The following ARHGAP15 variants were observed in gnomAD, a reference collection of about 807,000 sequenced individuals.
ARHGAP15 encodes rho GTPase-activating protein 15.
ARHGAP15 carries 51 observed loss-of-function variants against 63.7 expected under a neutral mutation model. The ratio of observed to expected loss-of-function variants is 0.80; its 90% CI spans 0.64 to 1.01. The LOEUF (loss-of-function observed/expected upper bound fraction) is 1.01, where lower values mean the gene tolerates loss of function less well. Ranked by LOEUF, ARHGAP15 falls within the 50% of genes least tolerant of loss-of-function variation. The pLI is 0.00. For missense variants in ARHGAP15, 560 were observed against 564.6 expected, an observed-to-expected ratio of 0.99 and a Z score of 0.08; for synonymous variants, 191 against 193.8, an observed-to-expected ratio of 0.99 and a Z score of 0.12.
At chr2:143,408,453 T>C in intron 6 of ARHGAP15, among the ~76,000 whole-genome samples, 1 of 151,784 alleles carries the variant, frequency 6.6e-6, no homozygotes, top group East Asian at 1.9e-4. Context: ...CCTACTACTA[T>C]CTTTGAGAAC....
At chr2:143,519,720 A>G (rs1693979302) in intron 10 of ARHGAP15, among the ~76,000 whole-genome samples, 2 of 152,174 alleles carry the variant, frequency 1.3e-5, no homozygotes, top group African/African-American at 4.8e-5. Flanking sequence ...TGCCAGAACA[A>G]TTTTTGGTAA....
intron 3 of ARHGAP15, among the ~76,000 whole-genome samples, chr2:143,207,149 G>A (rs940010574): frequency 6.6e-6 from 1 of 151,798 alleles, no homozygotes. Context: ...TTCAGAAATA[G>A]TTTTCAAAAT....
chr2:143,480,664 A>C (rs952587537), intron 8 of ARHGAP15: 3 of 152,212 alleles, frequency 2.0e-5, no homozygotes, highest in African/African-American at 7.2e-5. Context: ...TATGACTTCT[A>C]TTTACACTGA....
chr2:143,226,360 G>C (rs1401066409), intron 4 of ARHGAP15, among the ~76,000 whole-genome samples: 1 of 152,152 alleles, frequency 6.6e-6, no homozygotes, highest in Admixed American at 6.6e-5. Flanking sequence ...AAGGTATAGT[G>C]TCTCCTTGTG....
intron 6 of ARHGAP15, among the ~76,000 whole-genome samples, chr2:143,266,246 G>T (rs1223562103): frequency 1.3e-5 from 2 of 151,908 alleles, no homozygotes; most frequent in Non-Finnish European, 1.5e-5. Context: ...CATATAAAAT[G>T]CCCTTTTGAT....
intron 6 of ARHGAP15, among the ~76,000 whole-genome samples, chr2:143,325,984 G>A (rs1233572758): frequency 1.3e-5 from 2 of 152,086 alleles, no homozygotes; most frequent in African/African-American, 4.8e-5. Flanking sequence ...ACACTATTTT[G>A]CACTTTGTGG....
intron 6 of ARHGAP15, among the ~76,000 whole-genome samples, chr2:143,367,924 A>T (rs1349931099): frequency 6.6e-6 from 1 of 152,070 alleles, no homozygotes; most frequent in Admixed American, 6.5e-5. Context: ...AGAACTACAG[A>T]TATTTTAATT....
At chr2:143,303,878 G>C (rs1250451491) in intron 6 of ARHGAP15, among the ~76,000 whole-genome samples, 1 of 152,116 alleles carries the variant, frequency 6.6e-6, no homozygotes, top group Non-Finnish European at 1.5e-5. Context: ...GGCCATCAGA[G>C]AAATGCAAAT....
intron 9 of ARHGAP15, among the ~76,000 whole-genome samples, chr2:143,492,498 C>T (rs564217693): frequency 1.3e-5 from 2 of 152,252 alleles, no homozygotes; most frequent in South Asian, 4.1e-4. Context: ...TTGGCTCATG[C>T]CTGTAGTCCA....
chr2:143,285,866 A>T (rs900866611), intron 6 of ARHGAP15, among the ~76,000 whole-genome samples: 4 of 152,206 alleles, frequency 2.6e-5, no homozygotes, highest in Non-Finnish European at 4.4e-5. Context: ...GGCTTAAGTT[A>T]TACATGAAAA....
intron 11 of ARHGAP15, among the ~76,000 whole-genome samples, chr2:143,574,657 C>A (rs1214170053): frequency 3.3e-5 from 5 of 152,092 alleles, no homozygotes; most frequent in Non-Finnish European, 7.4e-5. Flanking sequence ...GTGTCTCATG[C>A]CAGTGGCAGT....
intron 3 of ARHGAP15, among the ~76,000 whole-genome samples, chr2:143,211,672 G>A (rs1232516735): frequency 6.6e-6 from 1 of 152,068 alleles, no homozygotes; most frequent in African/African-American, 2.4e-5. Context: ...TACTTTAAAG[G>A]GATCATCTCA....
intron 6 of ARHGAP15, chr2:143,305,456 A>AT (rs1201895981): frequency 1.3e-5 from 2 of 152,104 alleles, no homozygotes; most frequent in Non-Finnish European, 2.9e-5. Context: ...CATGTATCCC[A>AT]GAACCTATAA....
chr2:143,345,715 A>G (rs775830477), intron 6 of ARHGAP15, among the ~76,000 whole-genome samples: 7 of 152,220 alleles, frequency 4.6e-5, no homozygotes, highest in Non-Finnish European at 7.4e-5. Flanking sequence ...ACATTTTAAG[A>G]AAGAGCTAGA....
chr2:143,250,722 T>A (rs1680113228), intron 6 of ARHGAP15, 122 bp downstream of exon 6: 1 of 739,104 alleles, frequency 1.4e-6, no homozygotes, highest in East Asian at 2.9e-5. Flanking sequence ...TGTCTGAAGG[T>A]CATGAAAGGC....
At chr2:143,554,751 A>C (rs1271802181) in intron 10 of ARHGAP15, among the ~76,000 whole-genome samples, 1 of 152,126 alleles carries the variant, frequency 6.6e-6, no homozygotes, top group Non-Finnish European at 1.5e-5. Context: ...TATTAGAAAA[A>C]TTTTAATTAG....
In ARHGAP15 at chr2:143,318,956, T is replaced by G. The variant is rs115401466; in HGVS notation, c.474+68356T>G. Among the ~76,000 whole-genome samples the G allele has an allele frequency of 4.6e-3, 705 of 152,230 alleles. 4 individuals carry two copies. Among genetic ancestry groups the G allele is most frequent in the African/African-American group, 0.015 (628 of 41,526 alleles). On this transcript the variant is annotated intron_variant, in intron 6 of 13. Transcript: ENST00000295095. The stretch of plus-strand genomic sequence containing the variant: ...GGTTCCGAAAACTCCCGCGCAAATA[T>G]CTTATAGCAATGAACCTCAACTGCA...
chr2:143,214,302 G>A (rs187027968), intron 3 of ARHGAP15, among the ~76,000 whole-genome samples: 147 of 152,066 alleles, frequency 9.7e-4, no homozygotes, highest in African/African-American at 3.2e-3. Context: ...TTTTTTCTAC[G>A]GTTACACAAC....
chr2:143,172,518 T>G (rs1346632641), intron 2 of ARHGAP15, among the ~76,000 whole-genome samples: 1 of 152,110 alleles, frequency 6.6e-6, no homozygotes, highest in Non-Finnish European at 1.5e-5. Context: ...TAAATCGTGG[T>G]GGCTTGTGCT....
Sources: allele counts gnomAD v4.1 joint callset (sites outside exome capture counted in the v4.1 genomes callset), GRCh38; gene constraint gnomAD v4.1.1; transcripts MANE v1.5; gene names NCBI Gene and HGNC (gene_info 2026-07-23, HGNC 2026-07-21).